Variants in ZYG11A observed in about 807,000 individuals in gnomAD.
ZYG11A encodes the protein protein zyg-11 homolog A.
In ZYG11A, 62 loss-of-function variants were observed where a neutral mutation model predicts 77.2. The ratio of observed to expected loss-of-function variants is 0.80; its 90% CI spans 0.65 to 0.99. The LOEUF is 0.99. Among genes scored for constraint, ZYG11A ranks in the 50% least tolerant of loss-of-function variants. The pLI is 0.00. For missense variants in ZYG11A, 828 were observed against 896.8 expected (o/e 0.92, Z 0.98); for synonymous variants, 315 against 324.6 (o/e 0.97, Z 0.32).
At chr1:52,870,896 G>A (rs1646150607) in intron 8 of ZYG11A, among the ~76,000 whole-genome samples, 2 of 151,864 alleles carry the variant, frequency 1.3e-5, no homozygotes, top group East Asian at 3.9e-4. Flanking sequence ...GGGGGAGAGG[G>A]AGAGGGAGAG....
intron 8 of ZYG11A, among the ~76,000 whole-genome samples, chr1:52,877,364 T>C (rs1264292130): frequency 6.6e-6 from 1 of 152,320 alleles, no homozygotes; most frequent in East Asian, 1.9e-4. Context: ...TTCTTTCTTT[T>C]GTACTTGGCT....
At chr1:52,847,116 G>A (rs927447215) in intron 1 of ZYG11A, among the ~76,000 whole-genome samples, 15 of 151,836 alleles carry the variant, frequency 9.9e-5, no homozygotes, top group African/African-American at 2.7e-4. Flanking sequence ...GCTGGAGTGC[G>A]GTGGCGTGAT....
intron 13 of ZYG11A, among the ~76,000 whole-genome samples, chr1:52,891,191 T>C (rs569327838): frequency 1.3e-5 from 2 of 152,154 alleles, no homozygotes; most frequent in South Asian, 2.1e-4. Flanking sequence ...TGAGCCACCG[T>C]ACCCAGCCAA....
Position 52,894,354 on chromosome 1 carries a change from C to T in ZYG11A, c.*1397C>T, listed in dbSNP as rs1646591888. 1 of 152,162 alleles carries T rather than the reference C, an allele frequency of 6.6e-6. No individual in the cohort carries two copies. Among genetic ancestry groups the T allele is most frequent in the African/African-American group, 2.4e-5 (1 of 41,436 alleles). 9.4% of individuals were successfully genotyped at this position (152,162 alleles called of 1,614,324 possible). On this transcript the variant is annotated 3_prime_UTR_variant, in exon 14 of 14. Transcript: ENST00000371528. ...TTTGCCAGAGAGTTCACGGAGTTTT[C>T]TTACCCCGCATGCTGACTAAAGAAA...
At chr1:52,885,053 C>T (rs931177366) in intron 11 of ZYG11A, among the ~76,000 whole-genome samples, 7 of 152,080 alleles carry the variant, frequency 4.6e-5, no homozygotes, top group African/African-American at 1.7e-4. Context: ...GGATTATAGG[C>T]ACACACCACC....
chr1:52,886,802 C>T (rs1456958703), intron 12 of ZYG11A, among the ~76,000 whole-genome samples, 154 bp from the exon 13 acceptor site: 1 of 143,868 alleles, frequency 7.0e-6, no homozygotes, highest in Non-Finnish European at 1.5e-5. Context: ...CTACCTTGGC[C>T]TCCCAAAGTG....
chr1:52,875,366 A>C (rs923286330), intron 8 of ZYG11A, among the ~76,000 whole-genome samples: 4 of 152,236 alleles, frequency 2.6e-5, no homozygotes, highest in African/African-American at 4.8e-5. Context: ...AGGTGGGGTC[A>C]GTCTTTAAAA....
chr1:52,851,995 A>G (rs1255096265), intron 1 of ZYG11A, among the ~76,000 whole-genome samples: 1 of 147,402 alleles, frequency 6.8e-6, no homozygotes, highest in East Asian at 2.0e-4. Context: ...GCTCGCTGCA[A>G]CCTCCGCCTC....
intron 13 of ZYG11A, among the ~76,000 whole-genome samples, chr1:52,890,632 G>T (rs113314316): frequency 0.046 from 6,760 of 146,848 alleles, 650 homozygotes; most frequent in African/African-American, 0.16. Context: ...TTTGAAACAG[G>T]GTCTCACTCT....
intron 13 of ZYG11A, among the ~76,000 whole-genome samples, chr1:52,891,454 G>A (rs75477035): frequency 0.028 from 4,226 of 151,866 alleles, 167 homozygotes; most frequent in East Asian, 0.21. Flanking sequence ...TCCCTGAGGC[G>A]GTTTTGTATT....
At chr1:52,845,654 T>TA (rs1310841656) in intron 1 of ZYG11A, among the ~76,000 whole-genome samples, 1 of 141,562 alleles carries the variant, frequency 7.1e-6, no homozygotes, top group Admixed American at 7.1e-5. Context: ...TTTTTTTTTT[T>TA]ACAGAGGACA....
chr1:52,855,743 G>T (rs1229383934), intron 2 of ZYG11A, among the ~76,000 whole-genome samples: 1 of 152,050 alleles, frequency 6.6e-6, no homozygotes, highest in South Asian at 2.1e-4. Flanking sequence ...ATCTGTACTC[G>T]TTCCTTTTTA....
chr1:52,852,988 T>C (rs1017540460), intron 1 of ZYG11A, among the ~76,000 whole-genome samples: 2 of 152,204 alleles, frequency 1.3e-5, no homozygotes, highest in African/African-American at 4.8e-5. Context: ...TGAAGAATGT[T>C]TGAAGCATTG....
chr1:52,871,687 C>T (rs1340486497), intron 8 of ZYG11A, among the ~76,000 whole-genome samples: 2 of 152,086 alleles, frequency 1.3e-5, no homozygotes, highest in African/African-American at 4.8e-5. Flanking sequence ...CCATTTTGTT[C>T]AGCCTGGTCA....
chr1:52,842,917 C>G lies in ZYG11A; in HGVS notation c.34C>G (p.Arg12Gly). The change falls in exon 1 of 14, where the codon CGG (arginine) becomes GGG (glycine). Residue 12 changes from arginine (R) to glycine (G), a missense_variant. Transcript: ENST00000371528. ...TTTCTTGCACCCGGGCCACACGCCC[C>G]GGAACATCGTCCCTCCTGACGCTCA... is the stretch of plus-strand genomic sequence containing the variant. ...VHFLHPGHTP[R>G]NIVPPDAQKD... 1 of 1,529,716 alleles carries G rather than the reference C, an allele frequency of 6.5e-7. No homozygotes were observed. Among genetic ancestry groups the G allele is most frequent in the East Asian group, 2.6e-5 (1 of 37,836 alleles). 94.8% of individuals were successfully genotyped at this position (1,529,716 alleles called of 1,614,324 possible). A position where few individuals can be genotyped will look rare whatever the true frequency, so the allele number is the denominator to read the frequency against.
At chr1:52,887,307 G>A (rs1299440782) in intron 13 of ZYG11A, among the ~76,000 whole-genome samples, 3 of 152,082 alleles carry the variant, frequency 2.0e-5, no homozygotes, top group East Asian at 1.9e-4. Flanking sequence ...GACAAGCACC[G>A]TTAATAATTT....
chr1:52,878,963 A>C (rs1401596713), intron 10 of ZYG11A, among the ~76,000 whole-genome samples: 6 of 149,160 alleles, frequency 4.0e-5, no homozygotes, highest in South Asian at 2.2e-4. Flanking sequence ...AAAAAAAAAA[A>C]AAAAAAAAAA....
chr1:52,874,240 TA>T (rs1646222582), intron 8 of ZYG11A, among the ~76,000 whole-genome samples: 2 of 39,004 alleles, frequency 5.1e-5, no homozygotes, highest in Non-Finnish European at 1.7e-4. Flanking sequence ...TCTCTCTCTC[TA>T]TATATATATA....
In ZYG11A at chr1:52,867,877, GT is replaced by G. The variant is rs1198705108; in HGVS notation, c.1542+101del. On this transcript the variant is annotated intron_variant, in intron 8 of 13. Transcript: ENST00000371528. ...AAATCATTCCAAAAGGCCTATTAAG[GT>G]GAGAAATCTGTAAGACTTTCTCCCC... 17 of 982,126 alleles carry G rather than the reference GT, an allele frequency of 1.7e-5. 1 individual carries two copies. The Middle Eastern group carries it at 8.2e-4, about 47-fold the overall frequency. 60.8% of individuals were successfully genotyped at this position (982,126 alleles called of 1,614,324 possible). A position where few individuals can be genotyped will look rare whatever the true frequency, so the allele number is the denominator to read the frequency against.
Sources: gnomAD v4.1 joint callset for allele counts (sites outside exome capture counted in the v4.1 genomes callset) on GRCh38, gnomAD v4.1.1 for gene constraint, MANE v1.5 for transcripts, NCBI Gene and HGNC (gene_info 2026-07-23, HGNC 2026-07-21) for gene names.